RBFOX3: variants seen among roughly 807,000 people sequenced by gnomAD.
RBFOX3 encodes RNA binding protein fox-1 homolog 3.
RBFOX3 carries 17 observed loss-of-function variants against 48.7 expected under a neutral mutation model. The observed-to-expected ratio is 0.35, with a 90% CI of 0.24 to 0.52. The LOEUF (loss-of-function observed/expected upper bound fraction) is 0.52. RBFOX3 is among the 20% of genes least tolerant of loss of function. RBFOX3 has a pLI of 0.94. For synonymous variants in RBFOX3, 212 were observed against 209.5 expected (o/e 1.01, Z -0.10); for missense variants, 382 against 497.5 (o/e 0.77, Z 2.21).
chr17:79,193,390 A>G (rs1037619231), intron 4 of RBFOX3, among the ~76,000 whole-genome samples: 2 of 152,118 alleles, frequency 1.3e-5, no homozygotes, highest in African/African-American at 4.8e-5. Context: ...CCAACACACC[A>G]TATATTAGGA....
chr17:79,464,434 G>A (rs2076049200), intron 2 of RBFOX3, among the ~76,000 whole-genome samples: 1 of 152,246 alleles, frequency 6.6e-6, no homozygotes. Context: ...CAGGGACACA[G>A]AGGTGTCACG....
intron 3 of RBFOX3, among the ~76,000 whole-genome samples, chr17:79,270,578 C>T (rs1182968037): frequency 6.6e-6 from 1 of 152,256 alleles, no homozygotes; most frequent in African/African-American, 2.4e-5. Flanking sequence ...GCCGCCATTT[C>T]TCACTGAGAA....
chr17:79,522,173 C>T (rs1175980058), intron 1 of RBFOX3, among the ~76,000 whole-genome samples: 1 of 152,162 alleles, frequency 6.6e-6, no homozygotes, highest in Non-Finnish European at 1.5e-5. Flanking sequence ...TGAGCAGCTC[C>T]CCACTCTCCA....
intron 2 of RBFOX3, among the ~76,000 whole-genome samples, chr17:79,478,582 C>T (rs1015877698): frequency 2.0e-5 from 3 of 152,228 alleles, no homozygotes; most frequent in Non-Finnish European, 4.4e-5. Context: ...TCCTTGGCTC[C>T]TCTGTGTGAC....
At chr17:79,509,457 A>G (rs2083749915) in intron 1 of RBFOX3, among the ~76,000 whole-genome samples, 1 of 151,936 alleles carries the variant, frequency 6.6e-6, no homozygotes, top group Non-Finnish European at 1.5e-5. Flanking sequence ...CAGGTCCAGA[A>G]ACACTTGGGG....
At chr17:79,647,517 A>G in the RBFOX3 span, among the ~76,000 whole-genome samples, 1,683 of 152,236 alleles carry the variant, frequency 0.011, 29 homozygotes, top group African/African-American at 0.039. Context: ...ACGTCTAAAC[A>G]TAGCTGCTTC....
intron 4 of RBFOX3, among the ~76,000 whole-genome samples, chr17:79,141,974 G>A (rs1455900651): frequency 2.6e-5 from 4 of 152,230 alleles, no homozygotes; most frequent in Non-Finnish European, 4.4e-5. Flanking sequence ...CCCTGAGAAA[G>A]AGGAGGAGAC....
the RBFOX3 span, among the ~76,000 whole-genome samples, chr17:79,664,669 C>G: frequency 1.3e-5 from 2 of 152,158 alleles, no homozygotes; most frequent in Non-Finnish European, 2.9e-5. Context: ...TTTGTAAGTG[C>G]ACGGTTCAGT....
intron 2 of RBFOX3, among the ~76,000 whole-genome samples, chr17:79,459,334 G>A (rs1217285489): frequency 1.3e-5 from 2 of 152,182 alleles, no homozygotes; most frequent in Non-Finnish European, 2.9e-5. Context: ...CTGGAGGGCA[G>A]GGGCGGATGT....
At chr17:79,337,045 G>A (rs2081303566) in intron 2 of RBFOX3, among the ~76,000 whole-genome samples, 1 of 152,136 alleles carries the variant, frequency 6.6e-6, no homozygotes, top group Non-Finnish European at 1.5e-5. Context: ...GCTTGAACCT[G>A]GAGCAGAGGT....
At chr17:79,572,961 A>G (rs2092730911) in intron 1 of RBFOX3, among the ~76,000 whole-genome samples, 17 of 152,170 alleles carry the variant, frequency 1.1e-4, no homozygotes, top group Non-Finnish European at 2.1e-4. Flanking sequence ...AGACAAAACA[A>G]TTATAGGATA....
chr17:79,173,435 G>C (rs1196609794), intron 4 of RBFOX3, among the ~76,000 whole-genome samples: 2 of 152,144 alleles, frequency 1.3e-5, no homozygotes, highest in African/African-American at 4.8e-5. Context: ...TCTTCCTACT[G>C]CCATCCCACC....
At chr17:79,277,702 G>A (rs968751548) in intron 3 of RBFOX3, among the ~76,000 whole-genome samples, 1 of 152,238 alleles carries the variant, frequency 6.6e-6, no homozygotes, top group African/African-American at 2.4e-5. Flanking sequence ...ACTGTTGCGG[G>A]TGGAGGCTTG....
At chr17:79,529,862 C>T (rs1220645191) in intron 1 of RBFOX3, among the ~76,000 whole-genome samples, 1 of 152,258 alleles carries the variant, frequency 6.6e-6, no homozygotes, top group Non-Finnish European at 1.5e-5. Flanking sequence ...AGCTCACCAC[C>T]TGTGCTTGTG....
At chr17:79,419,170 C>T (rs773192766) in intron 2 of RBFOX3, among the ~76,000 whole-genome samples, 11 of 152,202 alleles carry the variant, frequency 7.2e-5, no homozygotes, top group Non-Finnish European at 1.3e-4. Flanking sequence ...TGCCTGTGCA[C>T]ACATGTGTGT....
intron 2 of RBFOX3, among the ~76,000 whole-genome samples, chr17:79,397,916 G>C (rs1465763086): frequency 6.6e-6 from 1 of 152,134 alleles, no homozygotes; most frequent in African/African-American, 2.4e-5. Flanking sequence ...TTTCCGTCCT[G>C]GATCACCGTG....
chr17:79,256,938 CAAAACAAAACA>C (rs772025985), intron 3 of RBFOX3, among the ~76,000 whole-genome samples: 1 of 96,328 alleles, frequency 1.0e-5, no homozygotes, highest in East Asian at 3.6e-4. Context: ...AACAAACAAA[CAAAACAAAACA>C]AAAAAAAAAC....
chr17:79,653,139 T>C, the RBFOX3 span, among the ~76,000 whole-genome samples: 1 of 152,128 alleles, frequency 6.6e-6, no homozygotes, highest in Admixed American at 6.5e-5. Context: ...CTTAGGATAT[T>C]ATAAGAGAAT....
At chr17:79,619,556 T>C in the RBFOX3 span, among the ~76,000 whole-genome samples, 1 of 152,240 alleles carries the variant, frequency 6.6e-6, no homozygotes, top group Non-Finnish European at 1.5e-5. Flanking sequence ...ACCCTGATCC[T>C]GTATGACTTC....
Sources: allele counts gnomAD v4.1 joint callset (sites outside exome capture counted in the v4.1 genomes callset), GRCh38; gene constraint gnomAD v4.1.1; transcripts MANE v1.5; gene names NCBI Gene and HGNC (gene_info 2026-07-23, HGNC 2026-07-21).